RSU1: variants seen among roughly 807,000 people sequenced by gnomAD.
The protein encoded by RSU1 is rsu-1.
In RSU1, 26 loss-of-function variants were observed where a neutral mutation model predicts 31.1. That is an observed-to-expected ratio of 0.84 (90% CI 0.61 to 1.16). RSU1 has a LOEUF of 1.16. Ranked by LOEUF, RSU1 falls within the 50% of genes most tolerant of loss-of-function variation. RSU1 has a pLI of 0.00. For synonymous variants in RSU1, 164 were observed against 136.3 expected, an observed-to-expected ratio of 1.20 and a Z score of -1.41; for missense variants, 320 against 339.1, an observed-to-expected ratio of 0.94 and a Z score of 0.44.
At chr10:16,737,728 C>T (rs1160245938) in intron 7 of RSU1, among the ~76,000 whole-genome samples, 2 of 149,592 alleles carry the variant, frequency 1.3e-5, no homozygotes, top group Non-Finnish European at 2.9e-5. Context: ...TTCCTCCTCT[C>T]TAAAGTTATT....
chr10:16,730,659 C>G (rs1333695318), intron 7 of RSU1, among the ~76,000 whole-genome samples: 1 of 152,110 alleles, frequency 6.6e-6, no homozygotes, highest in East Asian at 1.9e-4. Context: ...TTGATATAAT[C>G]TATAAAGCTA....
At chr10:16,755,634 A>G (rs926875828) in intron 4 of RSU1, among the ~76,000 whole-genome samples, 1 of 151,838 alleles carries the variant, frequency 6.6e-6, no homozygotes, top group Admixed American at 6.6e-5. Flanking sequence ...TCTCTTAGCA[A>G]TTTTCAATTA....
chr10:16,631,610 G>A (rs1007731411), intron 8 of RSU1, among the ~76,000 whole-genome samples: 2 of 152,184 alleles, frequency 1.3e-5, no homozygotes, highest in African/African-American at 2.4e-5. Flanking sequence ...TTTTAAAAGT[G>A]AAAAGTGTCA....
intron 8 of RSU1, among the ~76,000 whole-genome samples, chr10:16,679,869 GTTTTTTTTTTTTT>G (rs71374699): frequency 2.4e-5 from 3 of 124,650 alleles, no homozygotes; most frequent in Non-Finnish European, 3.3e-5. Flanking sequence ...AAAGACTCAA[GTTTTTTTTTTTTT>G]TTTTTTTTTT....
intron 8 of RSU1, among the ~76,000 whole-genome samples, chr10:16,693,547 T>C (rs903834684): frequency 1.3e-5 from 2 of 151,856 alleles, no homozygotes; most frequent in South Asian, 2.1e-4. Context: ...TTTCTTCCAA[T>C]AGTTGGGATG....
intron 4 of RSU1, among the ~76,000 whole-genome samples, chr10:16,756,687 C>G (rs1837093283): frequency 1.3e-4 from 20 of 152,204 alleles, no homozygotes; most frequent in Admixed American, 1.3e-3. Flanking sequence ...TTCCAGCCAA[C>G]TGTAGGCTAT....
At chr10:16,639,373 T>C (rs1456643244) in intron 8 of RSU1, among the ~76,000 whole-genome samples, 5 of 152,238 alleles carry the variant, frequency 3.3e-5, no homozygotes, top group Non-Finnish European at 7.3e-5. Flanking sequence ...CAGCAGCCCT[T>C]ACTATTATAT....
Position 16,695,025 on chromosome 10 carries a change from T to A in RSU1, c.729A>T (p.Lys243Asn), listed in dbSNP as rs772258482. Reference protein sequence around the residue: ...VFEYIRSETYKYLYGRHMQAN... With the variant: ...VFEYIRSETYNYLYGRHMQAN... Reference sequence around the variant, plus strand: ...TCAGAAAATCAGAGTCTACTTACTATTTGTATGTCTCAGAACGGATATACT... The same window carrying A: ...TCAGAAAATCAGAGTCTACTTACTAATTGTATGTCTCAGAACGGATATACT... The change falls in exon 8 of 9, where the codon AAA becomes AAT. Residue 243 changes from lysine (K) to asparagine (N), a missense_variant and splice_region_variant. Physicochemically the swap from Lys to Asn is moderately conservative, Grantham distance 94. Transcript: ENST00000345264. 10 of 1,609,226 alleles carry A rather than the reference T, an allele frequency of 6.2e-6. No homozygotes were observed. The highest frequency in any genetic ancestry group is 8.5e-6 in the Non-Finnish European group (10 of 1,178,010).
intron 8 of RSU1, among the ~76,000 whole-genome samples, chr10:16,662,457 T>A (rs1386032036): frequency 2.0e-5 from 3 of 152,236 alleles, no homozygotes; most frequent in Non-Finnish European, 4.4e-5. Flanking sequence ...TGTTCCTGAC[T>A]GCCCATAGAC....
At chr10:16,689,815 A>G (rs953397919) in intron 8 of RSU1, among the ~76,000 whole-genome samples, 12 of 152,244 alleles carry the variant, frequency 7.9e-5, no homozygotes, top group Admixed American at 5.2e-4. Context: ...AGAGAAAAGA[A>G]AGGTGAAAAA....
intron 8 of RSU1, among the ~76,000 whole-genome samples, chr10:16,619,754 T>C (rs185046422): frequency 9.7e-4 from 147 of 152,318 alleles, no homozygotes; most frequent in African/African-American, 3.2e-3. Flanking sequence ...GCTATATCTA[T>C]CTCCCTTCAC....
intron 8 of RSU1, among the ~76,000 whole-genome samples, chr10:16,635,933 G>A (rs1313976429): frequency 1.1e-4 from 16 of 152,248 alleles, no homozygotes; most frequent in Non-Finnish European, 2.2e-4. Flanking sequence ...AGCGAACAAC[G>A]TTTATCTTCT....
At chr10:16,649,174 C>G (rs964647293) in intron 8 of RSU1, among the ~76,000 whole-genome samples, 1 of 152,068 alleles carries the variant, frequency 6.6e-6, no homozygotes, top group Non-Finnish European at 1.5e-5. Context: ...GGTTTTCATT[C>G]TCTTTATTTA....
chr10:16,705,117 C>G (rs1347513270), intron 7 of RSU1, among the ~76,000 whole-genome samples: 1 of 152,148 alleles, frequency 6.6e-6, no homozygotes, highest in Non-Finnish European at 1.5e-5. Context: ...CATGGAATAA[C>G]ACAGCATTTT....
intron 8 of RSU1, among the ~76,000 whole-genome samples, chr10:16,606,899 T>A (rs1032496131): frequency 6.6e-6 from 1 of 152,234 alleles, no homozygotes; most frequent in African/African-American, 2.4e-5. Flanking sequence ...GTTGGCCATC[T>A]GCTCTTGGCA....
At chr10:16,609,407 C>T (rs2131466521) in intron 8 of RSU1, among the ~76,000 whole-genome samples, 1 of 152,260 alleles carries the variant, frequency 6.6e-6, no homozygotes, top group African/African-American at 2.4e-5. Context: ...GTCATAACAG[C>T]CCCTAGCATC....
intron 4 of RSU1, among the ~76,000 whole-genome samples, chr10:16,760,431 C>T (rs1837184681): frequency 6.6e-6 from 1 of 151,448 alleles, no homozygotes; most frequent in Non-Finnish European, 1.5e-5. Flanking sequence ...ATCGTTTGAA[C>T]CCAGGAGGTG....
intron 8 of RSU1, among the ~76,000 whole-genome samples, chr10:16,638,088 C>T (rs569744966): frequency 1.3e-4 from 20 of 152,154 alleles, no homozygotes; most frequent in East Asian, 3.9e-4. Context: ...AAGATTGTAG[C>T]GATGTACTTT....
intron 8 of RSU1, among the ~76,000 whole-genome samples, chr10:16,661,933 C>T (rs1328467116): frequency 1.3e-5 from 2 of 152,212 alleles, no homozygotes; most frequent in Non-Finnish European, 2.9e-5. Context: ...TTATAAAATA[C>T]ATTTCTCTGA....
Sources: gnomAD v4.1 joint callset for allele counts (sites outside exome capture counted in the v4.1 genomes callset) on GRCh38, gnomAD v4.1.1 for gene constraint, MANE v1.5 for transcripts, NCBI Gene and HGNC (gene_info 2026-07-23, HGNC 2026-07-21) for gene names.